The following SLC26A8 variants were observed in gnomAD, a reference collection of about 807,000 sequenced individuals.
The protein encoded by SLC26A8 is testis anion transporter 1.
SLC26A8 carries 70 observed loss-of-function variants against 105.0 expected under a neutral mutation model. The observed-to-expected ratio is 0.67, with a 90% confidence interval of 0.55 to 0.81. The LOEUF (loss-of-function observed/expected upper bound fraction) is 0.81. Ranked by LOEUF, SLC26A8 falls within the 40% of genes least tolerant of loss-of-function variation. SLC26A8 has a pLI of 0.00. For synonymous variants in SLC26A8, 415 were observed against 438.3 expected, an observed-to-expected ratio of 0.95 and a Z score of 0.66; for missense variants, 998 against 1,181.8, an observed-to-expected ratio of 0.84 and a Z score of 2.28.
intron 5 of SLC26A8, among the ~76,000 whole-genome samples, chr6:35,996,716 G>A (rs112763058): frequency 0.079 from 12,022 of 152,042 alleles, 526 homozygotes; most frequent in Non-Finnish European, 0.096. Context: ...CCAGCTAAAT[G>A]AGTCCATTCT....
At chr6:35,997,700 T>C in intron 5 of SLC26A8, 38 bp downstream of exon 5, 5 of 1,600,866 alleles carry the variant, frequency 3.1e-6, no homozygotes, top group Non-Finnish European at 4.3e-6. Context: ...GCCCCTTTAT[T>C]CAGTTCCTTT....
intron 2 of SLC26A8, among the ~76,000 whole-genome samples, chr6:36,012,923 G>A (rs1179326260): frequency 6.6e-6 from 1 of 152,154 alleles, no homozygotes; most frequent in Non-Finnish European, 1.5e-5. Flanking sequence ...CCCCAAGTGC[G>A]AGGCAGGTGC....
chr6:35,963,691 G>A (rs1772399282), intron 11 of SLC26A8, among the ~76,000 whole-genome samples: 2 of 152,226 alleles, frequency 1.3e-5, no homozygotes, highest in East Asian at 3.9e-4. Flanking sequence ...CATGGGAGCT[G>A]GTGCCTTTGG....
intron 3 of SLC26A8, among the ~76,000 whole-genome samples, chr6:36,009,989 G>A (rs986276811): frequency 1.3e-5 from 2 of 152,154 alleles, no homozygotes; most frequent in South Asian, 4.1e-4. Flanking sequence ...AAATTCTTAT[G>A]CTTGCAGCTG....
chr6:35,955,389 T>C lies in SLC26A8; in HGVS notation c.1995A>G (p.Val665=). ...CTTGATTTTTCTGAGACACGGACGA[T>C]ACTGTGTATGGCACTTGGTCTTCGG... The part of the protein sequence containing the change: ...TASEDQVPYT[V]SSVSQKNQGQ... The change falls in exon 17 of 20, where the codon GTA becomes GTG. Residue 665 remains valine, a synonymous_variant. Coordinates refer to ENST00000490799, the MANE Select transcript of SLC26A8 (RefSeq NM_052961.4). 1 of 1,614,230 alleles carries C rather than the reference T, an allele frequency of 6.2e-7. No individual in the cohort carries two copies. Among genetic ancestry groups the C allele is most frequent in the Admixed American group, 1.7e-5 (1 of 60,028 alleles).
rs1046091178 is a variant in SLC26A8 at position 36,008,682 on chromosome 6, G to A, written c.328+3551C>T. On this transcript the variant is annotated intron_variant, in intron 3 of 19. Coordinates refer to ENST00000490799, the MANE Select transcript of SLC26A8 (RefSeq NM_052961.4). Reference sequence around the variant, plus strand: ...TACAAAGAATTCTCAGATCTCAACAGTAAAAACATAATTTAACTAGAACAT... The same window carrying A: ...TACAAAGAATTCTCAGATCTCAACAATAAAAACATAATTTAACTAGAACAT... 2.6e-5 allele frequency among the ~76,000 whole-genome samples: 4 copies of A among 152,060 alleles called. No homozygotes were observed. The South Asian group carries it at 8.3e-4, about 31-fold the overall frequency.
intron 1 of SLC26A8, among the ~76,000 whole-genome samples, chr6:36,022,942 C>G (rs951527305): frequency 1.3e-5 from 2 of 150,316 alleles, no homozygotes; most frequent in Non-Finnish European, 3.0e-5. Context: ...TTTTAAGAAG[C>G]TGTCCAGACT....
At position 35,955,287 on chromosome 6, in the gene SLC26A8, A is replaced by T; in HGVS notation, c.2097T>A (p.Asp699Glu). 6.2e-7 allele frequency: 1 copy of T among 1,614,204 alleles called. No individual in the cohort carries two copies. Among genetic ancestry groups the T allele is most frequent in the Non-Finnish European group, 8.5e-7 (1 of 1,180,028 alleles). Residue 699 changes from aspartate (D) to glutamate (E), a missense_variant, in exon 17 of 20, where the codon GAT becomes GAA. Transcript: ENST00000490799. ...SSRNSSPGLP[D>E]VAESQGRRSL... is the part of the protein sequence containing the mutation. The stretch of plus-strand genomic sequence containing the variant: ...ATCTCCTCCCCTGGCTTTCCGCCAC[A>T]TCAGGCAGTCCTGGTGAGCTGTTTC...
chr6:35,977,675 A>G (rs1401490481), intron 8 of SLC26A8, among the ~76,000 whole-genome samples: 1 of 152,242 alleles, frequency 6.6e-6, no homozygotes, highest in East Asian at 1.9e-4. Flanking sequence ...CCAATAGGTG[A>G]ACAATAGGTG....
chr6:35,979,090 G>T (rs964143550), intron 8 of SLC26A8, among the ~76,000 whole-genome samples: 4 of 145,510 alleles, frequency 2.7e-5, no homozygotes, highest in Non-Finnish European at 6.0e-5. Flanking sequence ...GAGCTCAAGC[G>T]ATTCGCCTGC....
At chr6:35,994,444 C>T (rs921628132) in intron 5 of SLC26A8, among the ~76,000 whole-genome samples, 1 of 151,968 alleles carries the variant, frequency 6.6e-6, no homozygotes, top group Non-Finnish European at 1.5e-5. Context: ...CCTGTCATTG[C>T]CGCCCAATGT....
At chr6:36,002,948 C>A (rs1761568024) in intron 3 of SLC26A8, among the ~76,000 whole-genome samples, 2 of 152,142 alleles carry the variant, frequency 1.3e-5, no homozygotes, top group Non-Finnish European at 2.9e-5. Flanking sequence ...AAATGATTCA[C>A]CCACCTCAGC....
intron 11 of SLC26A8, among the ~76,000 whole-genome samples, chr6:35,966,655 A>C (rs1772528948): frequency 6.6e-6 from 1 of 152,166 alleles, no homozygotes; most frequent in African/African-American, 2.4e-5. Flanking sequence ...TGAATGCTCT[A>C]CTAGGGACTC....
At chr6:35,959,680 G>A (rs1772234627) in intron 15 of SLC26A8, 34 bp downstream of exon 15, 3 of 1,603,246 alleles carry the variant, frequency 1.9e-6, no homozygotes, top group Non-Finnish European at 8.5e-7. Context: ...CGGGGAGTGG[G>A]CAGGTTGAGA....
At chr6:35,996,596 G>A (rs1761357297) in intron 5 of SLC26A8, among the ~76,000 whole-genome samples, 1 of 152,048 alleles carries the variant, frequency 6.6e-6, no homozygotes, top group Non-Finnish European at 1.5e-5. Flanking sequence ...ACCCAGGCTG[G>A]AGTGCAGTGG....
chr6:36,019,379 G>T, intron 2 of SLC26A8, 141 bp downstream of exon 2: 1 of 908,688 alleles, frequency 1.1e-6, no homozygotes, highest in Non-Finnish European at 1.6e-6. Context: ...CCACAAAAAT[G>T]ACTGAAGAAA....
At position 35,959,706 on chromosome 6, in the gene SLC26A8, G is replaced by C. The variant is rs60714103; in HGVS notation, c.1731+8C>G. 1.2e-3 allele frequency: 1,982 copies of C among 1,606,268 alleles called. 17 individuals carry two copies. In the African/African-American group the frequency reaches 0.023, roughly 19 times the overall value. On this transcript the variant is annotated splice_region_variant and intron_variant, in intron 15 of 19. Transcript: ENST00000490799. ...CAGGTTGAGAAAGGCGGGCAGGAGG[G>C]CAGATACCTCTTTTAACAGCTTATG... is the stretch of plus-strand genomic sequence containing the variant.
At chr6:35,973,579 T>A (rs1353469766) in intron 10 of SLC26A8, among the ~76,000 whole-genome samples, 1 of 152,132 alleles carries the variant, frequency 6.6e-6, no homozygotes, top group Non-Finnish European at 1.5e-5. Context: ...CATCAGCTAT[T>A]GTTAGAATTA....
At position 36,011,942 on chromosome 6, in the gene SLC26A8, G is replaced by C. The variant is rs530316902; in HGVS notation, c.328+291C>G. Among the ~76,000 whole-genome samples, 50 of 152,260 alleles carry C rather than the reference G, an allele frequency of 3.3e-4. 1 individual carries two copies. The South Asian group carries it at 7.7e-3, about 23-fold the overall frequency. Reference sequence around the variant, plus strand: ...CCTTTCTAGGTAAAACCAATGCCAAGTGAGATGTATTATAGCCATAAGCAT... The same window carrying C: ...CCTTTCTAGGTAAAACCAATGCCAACTGAGATGTATTATAGCCATAAGCAT... On this transcript the variant is annotated intron_variant, in intron 3 of 19. Coordinates refer to ENST00000490799, the MANE Select transcript of SLC26A8 (RefSeq NM_052961.4).
Sources: allele counts gnomAD v4.1 joint callset (sites outside exome capture counted in the v4.1 genomes callset), GRCh38; gene constraint gnomAD v4.1.1; transcripts MANE v1.5; gene names NCBI Gene and HGNC (gene_info 2026-07-23, HGNC 2026-07-21).